Variants in TRPC7 observed in about 807,000 individuals in gnomAD.
The protein encoded by TRPC7 is transient receptor potential cation channel subfamily C member 7, also known as short transient receptor potential channel 7.
Under a neutral mutation model 90.1 loss-of-function variants are expected in TRPC7, and 42 were observed. The ratio of observed to expected loss-of-function variants is 0.47; its 90% CI spans 0.36 to 0.60. TRPC7 has a LOEUF of 0.60. Among genes scored for constraint, TRPC7 ranks in the 20% least tolerant of loss-of-function variants. The probability of loss-of-function intolerance (pLI) is 0.00; values close to 1 mark genes in which losing one functional copy is unlikely to be tolerated. For synonymous variants in TRPC7, 451 were observed against 436.3 expected, an observed-to-expected ratio of 1.03 and a Z score of -0.42; for missense variants, 955 against 1,112.3, an observed-to-expected ratio of 0.86 and a Z score of 2.01.
chr5:136,355,484 C>G (rs1760335794), intron 2 of TRPC7, among the ~76,000 whole-genome samples: 2 of 152,204 alleles, frequency 1.3e-5, no homozygotes, highest in Non-Finnish European at 2.9e-5. Flanking sequence ...TAGTGCTAGG[C>G]ACACAATAAG....
chr5:136,234,717 G>T (rs564866466), intron 7 of TRPC7, among the ~76,000 whole-genome samples: 12 of 152,208 alleles, frequency 7.9e-5, no homozygotes, highest in Admixed American at 2.6e-4. Context: ...AGAAAGGTGG[G>T]CCTATTGGTT....
intron 7 of TRPC7, among the ~76,000 whole-genome samples, chr5:136,245,572 C>T (rs1473246914): frequency 6.6e-6 from 1 of 152,144 alleles, no homozygotes; most frequent in Non-Finnish European, 1.5e-5. Flanking sequence ...GGAAAACTGA[C>T]ATTCTAGGCC....
chr5:136,265,668 T>C (rs930521977), intron 5 of TRPC7, among the ~76,000 whole-genome samples: 10 of 152,184 alleles, frequency 6.6e-5, no homozygotes, highest in South Asian at 4.1e-4. Context: ...GCAGCTCCAG[T>C]GGCAGACTGT....
chr5:136,265,052 T>C (rs947498621), intron 5 of TRPC7, among the ~76,000 whole-genome samples: 1 of 152,218 alleles, frequency 6.6e-6, no homozygotes, highest in African/African-American at 2.4e-5. Context: ...GGATGTTCTC[T>C]AGTGGTTCTA....
intron 3 of TRPC7, among the ~76,000 whole-genome samples, chr5:136,303,144 G>T (rs1758463738): frequency 6.6e-6 from 1 of 152,168 alleles, no homozygotes; most frequent in South Asian, 2.1e-4. Context: ...TAAAGGCATA[G>T]TCAAGGTTAA....
chr5:136,213,686 C>A (rs1755166307), intron 11 of TRPC7, 82 bp from the exon 12 acceptor site: 1 of 1,452,350 alleles, frequency 6.9e-7, no homozygotes. Context: ...GCATGTGCAT[C>A]CTTCCAGTGG....
At chr5:136,304,644 G>A (rs1292868898) in intron 3 of TRPC7, among the ~76,000 whole-genome samples, 1 of 152,058 alleles carries the variant, frequency 6.6e-6, no homozygotes, top group Non-Finnish European at 1.5e-5. Context: ...CACCCATTAG[G>A]CTCAGCAAAT....
intron 2 of TRPC7, among the ~76,000 whole-genome samples, chr5:136,325,363 T>C (rs1470612534): frequency 6.6e-6 from 1 of 152,146 alleles, no homozygotes; most frequent in Admixed American, 6.5e-5. Context: ...AGCAGAGAAA[T>C]GGAAAAGTAG....
intron 5 of TRPC7, among the ~76,000 whole-genome samples, chr5:136,257,555 G>A (rs928866697): frequency 1.3e-5 from 2 of 152,002 alleles, no homozygotes; most frequent in Non-Finnish European, 2.9e-5. Context: ...ATTTAATGAA[G>A]ATCTGCATAT....
intron 3 of TRPC7, among the ~76,000 whole-genome samples, chr5:136,310,296 C>A (rs187262138): frequency 1.3e-4 from 20 of 152,060 alleles, no homozygotes; most frequent in Middle Eastern, 3.4e-3. Context: ...CAAACATGAA[C>A]TTTTCAGTGA....
chr5:136,315,853 C>T (rs564930874), intron 2 of TRPC7, 74 bp from the exon 3 acceptor site: 8 of 1,405,334 alleles, frequency 5.7e-6, no homozygotes, highest in African/African-American at 1.4e-5. Flanking sequence ...ATAGCAGTGT[C>T]GATCAGCAAC....
chr5:136,295,283 T>C (rs1339335790), intron 3 of TRPC7, among the ~76,000 whole-genome samples: 1 of 151,710 alleles, frequency 6.6e-6, no homozygotes, highest in Non-Finnish European at 1.5e-5. Context: ...AAACTTAAAG[T>C]ATAATAATAA....
rs890265321 is a variant in TRPC7 at position 136,212,897 on chromosome 5, C to CT, written c.*537dup. ...CAGTTTTCAATTTAGGATTTTTAAA[C>CT]TTTTTTTTTATATAAACAAATAGAA... is the stretch of plus-strand genomic sequence containing the variant. On this transcript the variant is annotated 3_prime_UTR_variant, in exon 12 of 12. Transcript: ENST00000513104. 2.0e-4 allele frequency among the ~76,000 whole-genome samples: 30 copies of CT among 151,814 alleles called. No homozygotes were observed. The highest frequency in any genetic ancestry group is 3.1e-4 in the African/African-American group (13 of 41,392).
chr5:136,357,508 CT>C, intron 1 of TRPC7, 123 bp from the exon 2 acceptor site: 2 of 1,030,052 alleles, frequency 1.9e-6, no homozygotes, highest in Non-Finnish European at 2.7e-6. Flanking sequence ...ATTGTGCAAT[CT>C]TACAAATCAT....
chr5:136,321,271 G>A (rs1759188530), intron 2 of TRPC7, among the ~76,000 whole-genome samples: 1 of 152,148 alleles, frequency 6.6e-6, no homozygotes, highest in African/African-American at 2.4e-5. Flanking sequence ...TAACTTGGGG[G>A]AAACAAAATG....
intron 2 of TRPC7, among the ~76,000 whole-genome samples, chr5:136,336,167 T>A (rs1023999755): frequency 6.6e-6 from 1 of 152,310 alleles, no homozygotes; most frequent in African/African-American, 2.4e-5. Flanking sequence ...TCTGAGAAGC[T>A]TTCTCTCACG....
chr5:136,356,341 G>A (rs1471139028), intron 2 of TRPC7, among the ~76,000 whole-genome samples: 1 of 152,226 alleles, frequency 6.6e-6, no homozygotes, highest in Non-Finnish European at 1.5e-5. Flanking sequence ...AATCCTGCCT[G>A]CACTCGCCTG....
chr5:136,285,324 G>A (rs1447668025), intron 3 of TRPC7, among the ~76,000 whole-genome samples: 2 of 152,120 alleles, frequency 1.3e-5, no homozygotes. Flanking sequence ...GTACTCCCAT[G>A]TACAAAGAGC....
intron 2 of TRPC7, among the ~76,000 whole-genome samples, chr5:136,351,291 T>C (rs1760186945): frequency 6.6e-6 from 1 of 152,176 alleles, no homozygotes; most frequent in South Asian, 2.1e-4. Flanking sequence ...ACATAAAACT[T>C]CCCTTTAAGA....
Sources: gnomAD v4.1 joint callset for allele counts (sites outside exome capture counted in the v4.1 genomes callset) on GRCh38, gnomAD v4.1.1 for gene constraint, MANE v1.5 for transcripts, NCBI Gene and HGNC (gene_info 2026-07-23, HGNC 2026-07-21) for gene names.